Variants in NFKB1 observed in about 807,000 individuals in gnomAD.
NFKB1 encodes the protein nuclear factor kappa B subunit 1.
NFKB1 carries 9 observed loss-of-function variants against 105.1 expected under a neutral mutation model. The observed-to-expected ratio is 0.09, with a 90% CI of 0.05 to 0.15. The LOEUF is 0.15. Among genes scored for constraint, NFKB1 ranks in the 10% least tolerant of loss-of-function variants. The probability of loss-of-function intolerance (pLI) is 1.00; values close to 1 mark genes in which losing one functional copy is unlikely to be tolerated. For synonymous variants in NFKB1, 440 were observed against 442.2 expected (o/e 1.00, Z 0.06); for missense variants, 830 against 1,203.7 (o/e 0.69, Z 4.59).
chr4:102,501,951 T>C (rs975167531), intron 1 of NFKB1, 163 bp downstream of exon 1: 3 of 152,246 alleles, frequency 2.0e-5, no homozygotes, highest in African/African-American at 7.2e-5. Context: ...GAGAGGCACA[T>C]GGGATTAGCG....
intron 7 of NFKB1, chr4:102,577,808 C>T (rs72931447): frequency 3.0e-6 from 3 of 985,390 alleles, no homozygotes; most frequent in Non-Finnish European, 3.6e-6. Flanking sequence ...CTCTGGCATT[C>T]CACACTACAT....
At position 102,577,743 on chromosome 4, in the gene NFKB1, A is replaced by G. The variant is rs1724972228; in HGVS notation, c.571+704A>G. 12 of 836,970 alleles carry G rather than the reference A, an allele frequency of 1.4e-5. No homozygotes were observed. In the South Asian group the frequency reaches 6.5e-4, roughly 46 times the overall value. 51.8% of individuals were successfully genotyped at this position (836,970 alleles called of 1,614,324 possible). A position where few individuals can be genotyped will look rare whatever the true frequency, so the allele number is the denominator to read the frequency against. On this transcript the variant is annotated intron_variant, in intron 7 of 23. Coordinates refer to ENST00000226574, the MANE Select transcript of NFKB1 (RefSeq NM_003998.4). Reference sequence around the variant, plus strand: ...CCAGACTCAAAACCTTCCCATCCTCACTGACTCCCCCTCCTCGCCTGTGCT... The same window carrying G: ...CCAGACTCAAAACCTTCCCATCCTCGCTGACTCCCCCTCCTCGCCTGTGCT...
intron 16 of NFKB1, among the ~76,000 whole-genome samples, chr4:102,602,273 A>G (rs1471797242): frequency 6.6e-6 from 1 of 151,868 alleles, no homozygotes; most frequent in East Asian, 1.9e-4. Context: ...GCTCACACCT[A>G]TAATCCCAGC....
chr4:102,560,582 A>T (rs979948440), intron 5 of NFKB1, among the ~76,000 whole-genome samples: 1 of 152,160 alleles, frequency 6.6e-6, no homozygotes, highest in Non-Finnish European at 1.5e-5. Context: ...AAAAACAAAA[A>T]AACATGCCAT....
intron 15 of NFKB1, among the ~76,000 whole-genome samples, 174 bp from the exon 16 acceptor site, chr4:102,600,721 C>G (rs1419956187): frequency 6.6e-6 from 1 of 152,210 alleles, no homozygotes; most frequent in African/African-American, 2.4e-5. Flanking sequence ...GACCAGTCCT[C>G]TGGAGACAGC....
chr4:102,577,008 A>G lies in NFKB1; in HGVS notation c.540A>G (p.Gln180=), dbSNP rs752377230. 6.2e-7 allele frequency: 1 copy of G among 1,613,298 alleles called. No individual in the cohort carries two copies. Among genetic ancestry groups the G allele is most frequent in the Non-Finnish European group, 8.5e-7 (1 of 1,179,796 alleles). Residue 180 remains glutamine, a synonymous_variant, in exon 7 of 24, where the codon CAA becomes CAG. Transcript: ENST00000226574. ...TGCACCCTGACCTTGCCTATTTGCA[A>G]GCAGAAGGTGGAGGGGACCGGCAGC... ...LLVHPDLAYL[Q]AEGGGDRQLG... is the part of the protein sequence containing the mutation.
At chr4:102,501,879 C>G (rs1560621530) in intron 1 of NFKB1, 91 bp downstream of exon 1, 1 of 152,576 alleles carries the variant, frequency 6.6e-6, no homozygotes, top group Non-Finnish European at 1.5e-5. Flanking sequence ...CAGCCCCACT[C>G]GGACTTCCTC....
At chr4:102,578,154 C>T (rs1725019506) in intron 7 of NFKB1, 1 of 189,104 alleles carries the variant, frequency 5.3e-6, no homozygotes, top group South Asian at 1.8e-4. Context: ...ATGCCTTTAT[C>T]CACTCTCTTA....
chr4:102,608,296 G>A (rs1037497927), intron 19 of NFKB1, among the ~76,000 whole-genome samples: 2 of 152,172 alleles, frequency 1.3e-5, no homozygotes, highest in South Asian at 2.1e-4. Flanking sequence ...TATGTGCACA[G>A]TCTCATTTAA....
intron 5 of NFKB1, among the ~76,000 whole-genome samples, chr4:102,544,954 G>C (rs1056713560): frequency 6.6e-6 from 1 of 151,892 alleles, no homozygotes; most frequent in African/African-American, 2.4e-5. Context: ...ATTATTTCTG[G>C]GACCACTGTT....
intron 4 of NFKB1, among the ~76,000 whole-genome samples, chr4:102,534,202 C>T (rs1741484977): frequency 1.3e-5 from 2 of 152,136 alleles, no homozygotes; most frequent in Non-Finnish European, 1.5e-5. Context: ...GAGGTGATTT[C>T]CATTCATTTT....
intron 1 of NFKB1, among the ~76,000 whole-genome samples, chr4:102,504,390 A>G (rs1306324901): frequency 3.9e-5 from 6 of 152,156 alleles, no homozygotes; most frequent in African/African-American, 7.2e-5. Context: ...TGTCTATGCA[A>G]AATTTCTCAT....
At chr4:102,521,652 T>C (rs1740580422) in intron 1 of NFKB1, among the ~76,000 whole-genome samples, 1 of 152,178 alleles carries the variant, frequency 6.6e-6, no homozygotes, top group Non-Finnish European at 1.5e-5. Flanking sequence ...TTTCCCCAGT[T>C]ACAAGGACAG....
At chr4:102,511,186 A>G (rs1305818110) in intron 1 of NFKB1, among the ~76,000 whole-genome samples, 1 of 152,228 alleles carries the variant, frequency 6.6e-6, no homozygotes, top group Non-Finnish European at 1.5e-5. Flanking sequence ...GTTTTGATAT[A>G]CATATGCATT....
intron 9 of NFKB1, among the ~76,000 whole-genome samples, chr4:102,581,869 A>G (rs1483705435): frequency 1.3e-5 from 2 of 152,196 alleles, no homozygotes; most frequent in Non-Finnish European, 2.9e-5. Flanking sequence ...AAGAATCTCA[A>G]TAACTAGGTC....
chr4:102,512,382 T>G (rs1472710017), intron 1 of NFKB1, among the ~76,000 whole-genome samples: 1 of 152,180 alleles, frequency 6.6e-6, no homozygotes, highest in Non-Finnish European at 1.5e-5. Context: ...GTGGTGTCGC[T>G]CTGTCACACA....
At chr4:102,521,686 A>G (rs1369529020) in intron 1 of NFKB1, among the ~76,000 whole-genome samples, 1 of 152,160 alleles carries the variant, frequency 6.6e-6, no homozygotes, top group Non-Finnish European at 1.5e-5. Flanking sequence ...TCCATCCTTA[A>G]TGGCTCAATT....
At chr4:102,522,357 A>G (rs1560638627) in intron 1 of NFKB1, among the ~76,000 whole-genome samples, 1 of 152,212 alleles carries the variant, frequency 6.6e-6, no homozygotes. Flanking sequence ...AAAGGCTATA[A>G]AAGTTCAAAT....
At chr4:102,507,217 C>G (rs1560626127) in intron 1 of NFKB1, among the ~76,000 whole-genome samples, 1 of 151,934 alleles carries the variant, frequency 6.6e-6, no homozygotes, top group African/African-American at 2.4e-5. Context: ...ATAATCCAGG[C>G]ACTCTGCCTG....
Sources: allele counts gnomAD v4.1 joint callset (sites outside exome capture counted in the v4.1 genomes callset), GRCh38; gene constraint gnomAD v4.1.1; transcripts MANE v1.5; gene names NCBI Gene and HGNC (gene_info 2026-07-23, HGNC 2026-07-21).